The following MACROD2 variants were observed in gnomAD, a reference collection of about 807,000 sequenced individuals.
The protein encoded by MACROD2 is mono-ADP ribosylhydrolase 2, also known as ADP-ribose glycohydrolase MACROD2.
A neutral mutation model predicts 70.4 loss-of-function variants in MACROD2; 36 were observed. The observed-to-expected ratio is 0.51, with a 90% CI of 0.39 to 0.68. The LOEUF (loss-of-function observed/expected upper bound fraction) is 0.68. Among genes scored for constraint, MACROD2 ranks in the 30% least tolerant of loss-of-function variants. The pLI is 0.00. For synonymous variants in MACROD2, 172 were observed against 178.8 expected (o/e 0.96, Z 0.30); for missense variants, 496 against 538.4 (o/e 0.92, Z 0.78).
At chr20:15,160,878 T>C (rs1344724750) in intron 5 of MACROD2, among the ~76,000 whole-genome samples, 6 of 152,158 alleles carry the variant, frequency 3.9e-5, no homozygotes, top group Admixed American at 3.9e-4. Context: ...GCTAATTCCA[T>C]GTGCCCAGAA....
At position 15,446,768 on chromosome 20, in the gene MACROD2, T is replaced by A. The variant is rs180877182; in HGVS notation, c.571+15333T>A. Among the ~76,000 whole-genome samples the A allele has an allele frequency of 2.2e-4, 33 of 152,294 alleles. No homozygotes were observed. The East Asian group carries it at 6.4e-3, about 29-fold the overall frequency. ...AGGTTAGCATCCTAAATTATGGCCT[T>A]TCAATTTTTTTTCAACTTTGCAAAT... On this transcript the variant is annotated intron_variant, in intron 7 of 17. Coordinates refer to ENST00000684519, the MANE Select transcript of MACROD2 (RefSeq NM_001351661.2).
intron 5 of MACROD2, among the ~76,000 whole-genome samples, chr20:14,959,952 G>GT (rs2074569261): frequency 6.6e-6 from 1 of 152,142 alleles, no homozygotes; most frequent in South Asian, 2.1e-4. Flanking sequence ...CCCACCTTCA[G>GT]TGAGAAGGAC....
intron 8 of MACROD2, chr20:15,619,353 G>C (rs2049091979): frequency 5.3e-6 from 1 of 187,586 alleles, no homozygotes; most frequent in Non-Finnish European, 1.1e-5. Flanking sequence ...AAGACAGCTT[G>C]GAGGTTAGAG....
rs11478951 is a variant in MACROD2 at position 15,334,582 on chromosome 20, A to AT, written c.541-96815dup. Reference sequence around the variant, plus strand: ...GAGACAATCAAGTGGGGGAAAAATGATTTTTTTTAAAAAAAAACTGCAAAG... The same window carrying AT: ...GAGACAATCAAGTGGGGGAAAAATGATTTTTTTTTAAAAAAAAACTGCAAAG... On this transcript the variant is annotated intron_variant, in intron 6 of 17. Transcript: ENST00000684519. Among the ~76,000 whole-genome samples, 9 of 148,804 alleles carry AT rather than the reference A, an allele frequency of 6.0e-5. No homozygotes were observed. In the South Asian group the frequency reaches 6.3e-4, roughly 10 times the overall value.
intron 5 of MACROD2, among the ~76,000 whole-genome samples, chr20:14,961,841 T>A (rs1410054873): frequency 6.6e-6 from 1 of 152,154 alleles, no homozygotes; most frequent in Non-Finnish European, 1.5e-5. Flanking sequence ...AATATACACC[T>A]CTCTCATCCC....
intron 3 of MACROD2, among the ~76,000 whole-genome samples, chr20:14,261,906 G>A (rs1449030163): frequency 1.3e-5 from 2 of 151,912 alleles, no homozygotes; most frequent in East Asian, 3.9e-4. Flanking sequence ...TTGATTTTGT[G>A]CTAGAAGGAC....
At chr20:15,194,147 G>C (rs770401980) in intron 5 of MACROD2, among the ~76,000 whole-genome samples, 1 of 150,566 alleles carries the variant, frequency 6.6e-6, no homozygotes, top group African/African-American at 2.4e-5. Flanking sequence ...TTGGGAGGCT[G>C]AGGCAGGAGA....
intron 8 of MACROD2, among the ~76,000 whole-genome samples, chr20:15,783,237 C>T (rs887971443): frequency 2.0e-5 from 3 of 152,076 alleles, no homozygotes; most frequent in African/African-American, 7.2e-5. Context: ...CTTGAGTTCT[C>T]CCCATTTATA....
chr20:15,758,977 G>A (rs1356417360), intron 8 of MACROD2, among the ~76,000 whole-genome samples: 2 of 151,862 alleles, frequency 1.3e-5, no homozygotes, highest in African/African-American at 2.4e-5. Context: ...GTAAAACCTC[G>A]TCTCTACTAA....
chr20:16,033,861 G>GGA (rs2067187959), intron 15 of MACROD2, among the ~76,000 whole-genome samples: 5 of 151,714 alleles, frequency 3.3e-5, no homozygotes, highest in Non-Finnish European at 1.5e-5. Context: ...AGGGGGTGGG[G>GGA]TGGGGGAGAA....
At chr20:15,755,225 G>C (rs2051331428) in intron 8 of MACROD2, among the ~76,000 whole-genome samples, 1 of 152,082 alleles carries the variant, frequency 6.6e-6, no homozygotes, top group African/African-American at 2.4e-5. Flanking sequence ...CCATGCTTTG[G>C]GAATTGTTCT....
intron 5 of MACROD2, among the ~76,000 whole-genome samples, chr20:14,796,332 T>G (rs2072509618): frequency 6.6e-6 from 1 of 152,084 alleles, no homozygotes; most frequent in African/African-American, 2.4e-5. Flanking sequence ...CCAAGAATTG[T>G]TTAAGTGCAA....
chr20:14,084,917 G>A (rs1432053170), intron 2 of MACROD2, among the ~76,000 whole-genome samples: 1 of 151,372 alleles, frequency 6.6e-6, no homozygotes, highest in Non-Finnish European at 1.5e-5. Flanking sequence ...GAGGTCAGAA[G>A]TTCAAGACCA....
chr20:14,206,382 A>G (rs1601347233), intron 3 of MACROD2, among the ~76,000 whole-genome samples: 1 of 152,288 alleles, frequency 6.6e-6, no homozygotes, highest in Non-Finnish European at 1.5e-5. Flanking sequence ...GGTGATTCTG[A>G]TGTACCTTAA....
intron 7 of MACROD2, among the ~76,000 whole-genome samples, chr20:15,479,320 T>TG (rs2047064368): frequency 7.2e-6 from 1 of 138,708 alleles, no homozygotes; most frequent in African/African-American, 2.8e-5. Context: ...TCGCCCAGGC[T>TG]GGAGTGCAGT....
intron 12 of MACROD2, among the ~76,000 whole-genome samples, chr20:15,949,189 A>G (rs750050970): frequency 1.6e-4 from 25 of 152,310 alleles, no homozygotes; most frequent in Admixed American, 1.2e-3. Flanking sequence ...AATAGTATTT[A>G]TATCACAGGG....
chr20:15,675,547 C>G (rs16996363), intron 8 of MACROD2, among the ~76,000 whole-genome samples: 1 of 151,988 alleles, frequency 6.6e-6, no homozygotes, highest in South Asian at 2.1e-4. Flanking sequence ...AACAGTTTAG[C>G]GCTGGCAACC....
chr20:14,072,561 T>A (rs1356436813), intron 2 of MACROD2, among the ~76,000 whole-genome samples: 1 of 152,150 alleles, frequency 6.6e-6, no homozygotes, highest in Non-Finnish European at 1.5e-5. Flanking sequence ...TTTTACTTAT[T>A]GAGGGAATAG....
In MACROD2 at chr20:14,362,075, A is replaced by C. The variant is rs575933421; in HGVS notation, c.272-131404A>C. Among the ~76,000 whole-genome samples, 6 of 152,300 alleles carry C rather than the reference A, an allele frequency of 3.9e-5. No individual in the cohort carries two copies. In the East Asian group the frequency reaches 1.2e-3, roughly 29 times the overall value. ...CAGTAGGCCAAGTGTCAGCTTCTGT[A>C]ATGTCCAATAGAATCCCTTCCCATA... On this transcript the variant is annotated intron_variant, in intron 3 of 17. Transcript: ENST00000684519.
Sources: allele counts gnomAD v4.1 joint callset (sites outside exome capture counted in the v4.1 genomes callset), GRCh38; gene constraint gnomAD v4.1.1; transcripts MANE v1.5; gene names NCBI Gene and HGNC (gene_info 2026-07-23, HGNC 2026-07-21).